Variants in CNTLN observed in about 807,000 individuals in gnomAD.
CNTLN encodes centlein, centrosomal protein.
Under a neutral mutation model 180.0 loss-of-function variants are expected in CNTLN, and 212 were observed. That is an observed-to-expected ratio of 1.18 (90% confidence interval 1.05 to 1.32). CNTLN has a LOEUF of 1.32. Ranked by LOEUF, CNTLN falls within the 40% of genes most tolerant of loss-of-function variation. The pLI is 0.00. For missense variants in CNTLN, 2,095 were observed against 1,610.9 expected (o/e 1.30, Z -5.14); for synonymous variants, 722 against 563.1 (o/e 1.28, Z -3.99).
Position 17,279,193 on chromosome 9 carries a change from A to G in CNTLN, c.983+5327A>G, listed in dbSNP as rs75270419. On this transcript the variant is annotated intron_variant, in intron 6 of 25. Transcript: ENST00000380647. ...AATTCAACCATTTTGACTCCCCCCA[A>G]TTTGTATCTTAAGAATTACAGCATT... Among the ~76,000 whole-genome samples the G allele has an allele frequency of 1.9e-4, 29 of 152,204 alleles. No homozygotes were observed. In the East Asian group the frequency reaches 4.6e-3, roughly 24 times the overall value.
rs1828361709 is a variant in CNTLN at position 17,277,090 on chromosome 9, G to GA, written c.983+3225dup. On this transcript the variant is annotated intron_variant, in intron 6 of 25. Transcript: ENST00000380647. ...ATGATGGAGCTACTGTTTCTGTATG[G>GA]ATTTCCTTCTTTGAAGTTCATAGTC... 7.9e-5 allele frequency among the ~76,000 whole-genome samples: 6 copies of GA among 75,610 alleles called. 1 individual carries two copies. Among genetic ancestry groups the GA allele is most frequent in the African/African-American group, 1.1e-4 (2 of 18,422 alleles). The allele number at this position is 75,610 out of a possible 152,430, so 49.6% of individuals were successfully genotyped here.
intron 21 of CNTLN, among the ~76,000 whole-genome samples, chr9:17,465,556 A>G (rs1199516010): frequency 6.7e-6 from 1 of 150,068 alleles, no homozygotes; most frequent in East Asian, 1.9e-4. Flanking sequence ...ATATATATAT[A>G]TAAAATATCC....
intron 6 of CNTLN, among the ~76,000 whole-genome samples, chr9:17,293,998 C>T (rs1390979931): frequency 1.3e-5 from 2 of 152,124 alleles, no homozygotes; most frequent in Non-Finnish European, 2.9e-5. Flanking sequence ...AAGCCACGGA[C>T]CCTTGCGGTG....
chr9:17,510,695 G>A, the CNTLN span, among the ~76,000 whole-genome samples: 1 of 152,330 alleles, frequency 6.6e-6, no homozygotes, highest in South Asian at 2.1e-4. Context: ...CCACTCTGCA[G>A]ATTTTGGACT....
the CNTLN span, among the ~76,000 whole-genome samples, chr9:17,521,261 GAA>G: frequency 1.6e-5 from 2 of 122,698 alleles, no homozygotes; most frequent in African/African-American, 3.4e-5. Flanking sequence ...GAGAAAGGGA[GAA>G]AAAGAGAGAG....
chr9:17,326,946 A>T (rs1349223408), intron 8 of CNTLN, among the ~76,000 whole-genome samples: 2 of 152,124 alleles, frequency 1.3e-5, no homozygotes, highest in Non-Finnish European at 2.9e-5. Flanking sequence ...CAGAAAAAGG[A>T]CCTTAGGAAA....
At chr9:17,429,921 C>G (rs1274188692) in intron 18 of CNTLN, among the ~76,000 whole-genome samples, 1 of 151,884 alleles carries the variant, frequency 6.6e-6, no homozygotes, top group Non-Finnish European at 1.5e-5. Flanking sequence ...AATTTTATTG[C>G]TCTTACTAGT....
chr9:17,148,110 G>T (rs1818582205), intron 2 of CNTLN, among the ~76,000 whole-genome samples: 1 of 152,130 alleles, frequency 6.6e-6, no homozygotes, highest in East Asian at 1.9e-4. Context: ...GAACACTCGT[G>T]TACCCATCAC....
intron 12 of CNTLN, among the ~76,000 whole-genome samples, chr9:17,356,959 C>G (rs990764389): frequency 6.6e-6 from 1 of 152,052 alleles, no homozygotes; most frequent in African/African-American, 2.4e-5. Context: ...TTAGCCTACA[C>G]TGTAGGTGAG....
chr9:17,149,558 C>T (rs1818708228), intron 2 of CNTLN, among the ~76,000 whole-genome samples: 2 of 145,458 alleles, frequency 1.4e-5, no homozygotes, highest in Admixed American at 7.0e-5. Context: ...CGCTCTGTCG[C>T]CCAGGCTGGA....
At chr9:17,185,779 G>GTGTGTGTGTGTGTT (rs1821396615) in intron 2 of CNTLN, among the ~76,000 whole-genome samples, 2 of 151,754 alleles carry the variant, frequency 1.3e-5, no homozygotes, top group South Asian at 4.2e-4. Context: ...ATTTGTGTGT[G>GTGTGTGTGTGTGTT]TGTGTGTGTG....
intron 2 of CNTLN, chr9:17,166,912 A>T (rs138370242): frequency 1.3e-5 from 6 of 458,824 alleles, no homozygotes; most frequent in Non-Finnish European, 2.2e-5. Context: ...ACACATGAAT[A>T]ATATAAAGAT....
intron 18 of CNTLN, among the ~76,000 whole-genome samples, chr9:17,433,668 C>T (rs1829568242): frequency 6.6e-6 from 1 of 151,964 alleles, no homozygotes; most frequent in Non-Finnish European, 1.5e-5. Flanking sequence ...TTCTCTGTTG[C>T]CCAGGCTAGA....
intron 10 of CNTLN, among the ~76,000 whole-genome samples, chr9:17,334,781 G>A (rs1275341535): frequency 6.6e-6 from 1 of 152,118 alleles, no homozygotes; most frequent in Non-Finnish European, 1.5e-5. Context: ...AAGGGAGCAA[G>A]GGCTATAAAC....
At chr9:17,287,937 G>A (rs1243034081) in intron 6 of CNTLN, among the ~76,000 whole-genome samples, 1 of 142,982 alleles carries the variant, frequency 7.0e-6, no homozygotes, top group Non-Finnish European at 1.5e-5. Flanking sequence ...TATCAATTTT[G>A]TTGATCCTTT....
In CNTLN at chr9:17,487,080, C is replaced by A; in HGVS notation, c.4119+14C>A. On this transcript the variant is annotated intron_variant, in intron 25 of 25. Coordinates refer to ENST00000380647, the MANE Select transcript of CNTLN (RefSeq NM_017738.4). The stretch of plus-strand genomic sequence containing the variant: ...CTTGAAGGACAGGTATTTCATTTTT[C>A]TGTTTCATATATTAAGCTTCCAAAT... 1 of 1,542,776 alleles carries A rather than the reference C, an allele frequency of 6.5e-7. No individual in the cohort carries two copies. Among genetic ancestry groups the A allele is most frequent in the South Asian group, 1.1e-5 (1 of 88,564 alleles).
the CNTLN span, among the ~76,000 whole-genome samples, chr9:17,527,095 C>G: frequency 6.6e-6 from 1 of 152,098 alleles, no homozygotes; most frequent in Non-Finnish European, 1.5e-5. Context: ...GTTGGCCGGG[C>G]TGGTCTTCAA....
chr9:17,493,067 T>C (rs1398446381), intron 25 of CNTLN, among the ~76,000 whole-genome samples: 2 of 152,086 alleles, frequency 1.3e-5, no homozygotes, highest in Non-Finnish European at 2.9e-5. Context: ...TGTCAAGGGC[T>C]GGTGGAACGA....
intron 23 of CNTLN, among the ~76,000 whole-genome samples, chr9:17,478,908 A>G (rs917773515): frequency 6.6e-6 from 1 of 152,342 alleles, no homozygotes; most frequent in Middle Eastern, 3.4e-3. Flanking sequence ...AAGGACTTTA[A>G]TACAGACTTC....
Sources: gnomAD v4.1 joint callset for allele counts (sites outside exome capture counted in the v4.1 genomes callset) on GRCh38, gnomAD v4.1.1 for gene constraint, MANE v1.5 for transcripts, NCBI Gene and HGNC (gene_info 2026-07-23, HGNC 2026-07-21) for gene names.